Variants in MRPL42 observed in about 807,000 individuals in gnomAD.
The protein encoded by MRPL42 is large ribosomal subunit protein mL42.
Under a neutral mutation model 17.9 loss-of-function variants are expected in MRPL42, and 17 were observed. The observed-to-expected ratio is 0.95, with a 90% CI of 0.65 to 1.42. The LOEUF is 1.42. MRPL42 is among the 40% of genes most tolerant of loss of function. The probability of loss-of-function intolerance (pLI) is 0.00; values close to 1 mark genes in which losing one functional copy is unlikely to be tolerated. For missense variants in MRPL42, 177 were observed against 175.2 expected (o/e 1.01, Z -0.06); for synonymous variants, 59 against 54.4 (o/e 1.08, Z -0.37).
At chr12:93,496,800 A>C (rs1015848718) in intron 5 of MRPL42, among the ~76,000 whole-genome samples, 1 of 40,902 alleles carries the variant, frequency 2.4e-5, no homozygotes, top group Non-Finnish European at 4.8e-5. Context: ...CTCAGAGACT[A>C]TTTTTTTTGG....
At chr12:93,485,024 ATAT>A in intron 4 of MRPL42, among the ~76,000 whole-genome samples, 4 of 133,480 alleles carry the variant, frequency 3.0e-5, no homozygotes, top group Non-Finnish European at 4.7e-5. Context: ...ATATATATAT[ATAT>A]AAACAGAGAT....
intron 2 of MRPL42, 92 bp from the exon 3 acceptor site, chr12:93,476,862 A>T: frequency 8.6e-7 from 1 of 1,162,512 alleles, no homozygotes; most frequent in Non-Finnish European, 1.3e-6. Flanking sequence ...CTAAACAGTA[A>T]TGTTGGTTGA....
intron 4 of MRPL42, among the ~76,000 whole-genome samples, chr12:93,487,112 T>C (rs1880780924): frequency 6.6e-6 from 1 of 152,146 alleles, no homozygotes; most frequent in Admixed American, 6.6e-5. Context: ...TGCAGGTGCA[T>C]GCCATCACAC....
chr12:93,483,682 C>T (rs566500395), intron 4 of MRPL42, among the ~76,000 whole-genome samples: 1 of 152,102 alleles, frequency 6.6e-6, no homozygotes, highest in Non-Finnish European at 1.5e-5. Flanking sequence ...CTGCTGTATA[C>T]TTTATAAACA....
chr12:93,500,681 T>C (rs537696197), intron 5 of MRPL42: 30 of 152,478 alleles, frequency 2.0e-4, no homozygotes, highest in African/African-American at 7.0e-4. Context: ...AGATGTGATA[T>C]TTCTTCACTA....
chr12:93,482,182 G>A (rs998955680), intron 4 of MRPL42, among the ~76,000 whole-genome samples: 3 of 152,070 alleles, frequency 2.0e-5, no homozygotes, highest in African/African-American at 4.8e-5. Flanking sequence ...TCCTGCTTCC[G>A]TTGCCTGGAA....
At chr12:93,470,519 A>T (rs915921097) in intron 2 of MRPL42, 34 of 1,293,604 alleles carry the variant, frequency 2.6e-5, no homozygotes, top group Non-Finnish European at 3.4e-5. Context: ...TGTTACGTGG[A>T]TGTATTACAT....
chr12:93,482,932 A>G (rs1018625533), intron 4 of MRPL42, among the ~76,000 whole-genome samples: 1 of 151,120 alleles, frequency 6.6e-6, no homozygotes, highest in South Asian at 2.1e-4. Flanking sequence ...CACTCTGTCA[A>G]CCAGGCTAGA....
rs1180831836 is a variant in MRPL42, at chr12:93,513,150, G to A, written c.*11929G>A. 6.8e-6 allele frequency: 1 copy of A among 147,078 alleles called. No individual in the cohort carries two copies. The highest frequency in any genetic ancestry group is 2.0e-4 in the East Asian group (1 of 5,072). The allele number at this position is 147,078 out of a possible 1,614,324, so 9.1% of individuals were successfully genotyped here. Reference sequence around the variant, plus strand: ...TCTACCCTGGATTACATATTTTAACGAGAAAGAAACCAGCTCATTTGTGAC... The same window carrying A: ...TCTACCCTGGATTACATATTTTAACAAGAAAGAAACCAGCTCATTTGTGAC... On this transcript the variant is annotated 3_prime_UTR_variant, in exon 6 of 6. Transcript: ENST00000549982.
At position 93,507,651 on chromosome 12, in the gene MRPL42, C is replaced by T. The variant is rs1037680834; in HGVS notation, c.*6430C>T. On this transcript the variant is annotated 3_prime_UTR_variant, in exon 6 of 6. Transcript: ENST00000549982. ...TCAGCTTATCTTGGCTGGACTTGCCCATGCAGCTGAGGTCACTAGTTGGGT... is the reference window on the plus strand; with the variant it reads ...TCAGCTTATCTTGGCTGGACTTGCCTATGCAGCTGAGGTCACTAGTTGGGT... 2 of 152,224 alleles carry T rather than the reference C, an allele frequency of 1.3e-5. No individual in the cohort carries two copies. Among genetic ancestry groups the T allele is most frequent in the African/African-American group, 4.8e-5 (2 of 41,452 alleles). 9.4% of individuals were successfully genotyped at this position (152,224 alleles called of 1,614,324 possible).
rs1565822925 is a variant in MRPL42 at position 93,509,299 on chromosome 12, A to G, written c.*8078A>G. On this transcript the variant is annotated 3_prime_UTR_variant, in exon 6 of 6. Coordinates refer to ENST00000549982, the MANE Select transcript of MRPL42 (RefSeq NM_014050.4). ...TGCTATATTCTTGCCCTCATTTGAT[A>G]ATATTTTTAGTTTTAGCCATTCTAA... 1 of 152,048 alleles carries G rather than the reference A, an allele frequency of 6.6e-6. No homozygotes were observed. The allele number at this position is 152,048 out of a possible 1,614,324, so 9.4% of individuals were successfully genotyped here. A position where few individuals can be genotyped will look rare whatever the true frequency, so the allele number is the denominator to read the frequency against.
rs1180605879 is a variant in MRPL42, at chr12:93,509,650, G to A, written c.*8429G>A. 1 of 151,944 alleles carries A rather than the reference G, an allele frequency of 6.6e-6. No individual in the cohort carries two copies. Among genetic ancestry groups the A allele is most frequent in the East Asian group, 1.9e-4 (1 of 5,154 alleles). 9.4% of individuals were successfully genotyped at this position (151,944 alleles called of 1,614,324 possible). A position where few individuals can be genotyped will look rare whatever the true frequency, so the allele number is the denominator to read the frequency against. Reference sequence around the variant, plus strand: ...ACCTCCTGGGTCACTGGGACCCAGAGTTGCCTAAGGAGCGTCAGAAGTGGA... The same window carrying A: ...ACCTCCTGGGTCACTGGGACCCAGAATTGCCTAAGGAGCGTCAGAAGTGGA... On this transcript the variant is annotated 3_prime_UTR_variant, in exon 6 of 6. Coordinates refer to ENST00000549982, the MANE Select transcript of MRPL42 (RefSeq NM_014050.4).
In MRPL42 at chr12:93,470,869, T is replaced by A. The variant is rs189955897; in HGVS notation, c.70+1514T>A. 3.9e-5 allele frequency among the ~76,000 whole-genome samples: 6 copies of A among 152,378 alleles called. No individual in the cohort carries two copies. In the East Asian group the frequency reaches 1.2e-3, roughly 29 times the overall value. On this transcript the variant is annotated intron_variant, in intron 2 of 5. Transcript: ENST00000549982. ...TTCTTCCAGTCCACCATTGATGGGC[T>A]TGTTTCCATGTCTTCGCTATTGTGA...
intron 4 of MRPL42, among the ~76,000 whole-genome samples, chr12:93,481,938 A>G (rs763644657): frequency 6.6e-6 from 1 of 152,160 alleles, no homozygotes; most frequent in Non-Finnish European, 1.5e-5. Context: ...GTTTATCATT[A>G]TCATCATTCC....
chr12:93,490,187 A>AAGACTGAAGACAGGG (rs1953386604), intron 5 of MRPL42, among the ~76,000 whole-genome samples: 1 of 152,208 alleles, frequency 6.6e-6, no homozygotes. Context: ...TGACGGAGAC[A>AAGACTGAAGACAGGG]AGACTGAAGA....
In MRPL42 at chr12:93,501,779, G is replaced by A. The variant is rs2121283330; in HGVS notation, c.*558G>A. 6.6e-6 allele frequency: 1 copy of A among 152,248 alleles called. No individual in the cohort carries two copies. The highest frequency in any genetic ancestry group is 2.1e-4 in the South Asian group (1 of 4,824). 9.4% of individuals were successfully genotyped at this position (152,248 alleles called of 1,614,324 possible). A position where few individuals can be genotyped will look rare whatever the true frequency, so the allele number is the denominator to read the frequency against. Reference sequence around the variant, plus strand: ...AAATATGATTAATAAAAATGTGCATGGCTTTCCTGAAGGAGATTTTTTAAT... The same window carrying A: ...AAATATGATTAATAAAAATGTGCATAGCTTTCCTGAAGGAGATTTTTTAAT... On this transcript the variant is annotated 3_prime_UTR_variant, in exon 6 of 6. Coordinates refer to ENST00000549982, the MANE Select transcript of MRPL42 (RefSeq NM_014050.4).
At chr12:93,477,480 C>CT (rs1349675951) in intron 3 of MRPL42, among the ~76,000 whole-genome samples, 1 of 152,192 alleles carries the variant, frequency 6.6e-6, no homozygotes, top group African/African-American at 2.4e-5. Context: ...ATGACATTGT[C>CT]TTTTTTCTCT....
In MRPL42 at chr12:93,503,205, C is replaced by G. The variant is rs1592791209; in HGVS notation, c.*1984C>G. ...TCTTGTTCAAGCATTATTGGGAAAC[C>G]ACCAGAGGGCACTCTCACCCAGGGC... On this transcript the variant is annotated 3_prime_UTR_variant, in exon 6 of 6. Transcript: ENST00000549982. 7 of 152,088 alleles carry G rather than the reference C, an allele frequency of 4.6e-5. No individual in the cohort carries two copies. The allele number at this position is 152,088 out of a possible 1,614,324, so 9.4% of individuals were successfully genotyped here.
intron 5 of MRPL42, among the ~76,000 whole-genome samples, chr12:93,499,905 C>T (rs750910340): frequency 1.8e-4 from 27 of 152,098 alleles, no homozygotes; most frequent in South Asian, 4.1e-4. Flanking sequence ...ACTGAATTTC[C>T]ACATTAGCAA....
Sources: gnomAD v4.1 joint callset for allele counts (sites outside exome capture counted in the v4.1 genomes callset) on GRCh38, gnomAD v4.1.1 for gene constraint, MANE v1.5 for transcripts, NCBI Gene and HGNC (gene_info 2026-07-23, HGNC 2026-07-21) for gene names.